Variants in APLF observed in about 807,000 individuals in gnomAD.
APLF encodes the protein aprataxin and PNK-like factor.
In APLF, 61 loss-of-function variants were observed where a neutral mutation model predicts 55.6. The observed-to-expected ratio is 1.10, with a 90% CI of 0.89 to 1.36. The LOEUF (loss-of-function observed/expected upper bound fraction) is 1.36, where lower values mean the gene tolerates loss of function less well. Ranked by LOEUF, APLF falls within the 40% of genes most tolerant of loss-of-function variation. The pLI is 0.00. For missense variants in APLF, 611 were observed against 602.5 expected (o/e 1.01, Z -0.15); for synonymous variants, 207 against 214.8 (o/e 0.96, Z 0.32).
chr2:68,515,830 A>G lies in APLF; in HGVS notation c.622+2150A>G, dbSNP rs561224617. On this transcript the variant is annotated intron_variant, in intron 5 of 9. Coordinates refer to ENST00000303795, the MANE Select transcript of APLF (RefSeq NM_173545.3). ...CTTTAAAGACAGTTTAGTACTTTAG[A>G]ACAGTTTAGTACCTGAATCCTGCTA... is the stretch of plus-strand genomic sequence containing the variant. 56 of 747,844 alleles carry G rather than the reference A, an allele frequency of 7.5e-5. No homozygotes were observed. The South Asian group carries it at 3.2e-3, about 42-fold the overall frequency. The allele number at this position is 747,844 out of a possible 1,614,324, so 46.3% of individuals were successfully genotyped here.
At chr2:68,519,068 A>G (rs1233670124) in intron 5 of APLF, among the ~76,000 whole-genome samples, 5 of 117,314 alleles carry the variant, frequency 4.3e-5, no homozygotes, top group African/African-American at 6.6e-5. Flanking sequence ...ATTAATATAT[A>G]ATAATAATAT....
intron 8 of APLF, among the ~76,000 whole-genome samples, chr2:68,553,388 T>C (rs1435341844): frequency 6.6e-6 from 1 of 152,082 alleles, no homozygotes; most frequent in Non-Finnish European, 1.5e-5. Context: ...ACTAAACCAA[T>C]GTTCAGTTTA....
Position 68,537,952 on chromosome 2 carries a change from A to G in APLF, c.885A>G (p.Lys295=). Residue 295 remains lysine, a synonymous_variant, in exon 7 of 10, where the codon AAA becomes AAG. Coordinates refer to ENST00000303795, the MANE Select transcript of APLF (RefSeq NM_173545.3). Reference sequence around the variant, plus strand: ...TTAAGACTAATGCACAGAGAAACAAACTTCCAATAGAGGAACTTGGTAAAG... The same window carrying G: ...TTAAGACTAATGCACAGAGAAACAAGCTTCCAATAGAGGAACTTGGTAAAG... ...NNIKTNAQRN[K]LPIEELGKVS... The G allele has an allele frequency of 1.2e-6, 2 of 1,613,980 alleles. No homozygotes were observed. The highest frequency in any genetic ancestry group is 1.3e-5 in the African/African-American group (1 of 75,034).
At chr2:68,503,133 G>A (rs144827322) in intron 3 of APLF, among the ~76,000 whole-genome samples, 7 of 152,212 alleles carry the variant, frequency 4.6e-5, no homozygotes, top group African/African-American at 7.2e-5. Context: ...CTTACTATGC[G>A]TTGATAGCAG....
intron 5 of APLF, among the ~76,000 whole-genome samples, chr2:68,519,295 A>G (rs1669819769): frequency 6.9e-6 from 1 of 144,300 alleles, no homozygotes; most frequent in Non-Finnish European, 1.5e-5. Flanking sequence ...GTATATATAA[A>G]ATGTCAAATT....
intron 1 of APLF, among the ~76,000 whole-genome samples, chr2:68,477,323 A>G (rs984309522): frequency 2.6e-5 from 4 of 152,134 alleles, no homozygotes; most frequent in African/African-American, 9.7e-5. Context: ...CTCTCCAGTA[A>G]ATTGTATATC....
intron 2 of APLF, 23 bp downstream of exon 2, chr2:68,490,284 A>C: frequency 6.2e-7 from 1 of 1,600,210 alleles, no homozygotes; most frequent in Non-Finnish European, 8.5e-7. Context: ...TTAATGATTC[A>C]TTTTAACTTT....
At chr2:68,575,482 T>C (rs1472757791) in intron 9 of APLF, among the ~76,000 whole-genome samples, 1 of 151,910 alleles carries the variant, frequency 6.6e-6, no homozygotes, top group Non-Finnish European at 1.5e-5. Flanking sequence ...GTTTTCTGAC[T>C]TTTTTTTGTG....
intron 8 of APLF, among the ~76,000 whole-genome samples, chr2:68,558,367 A>T (rs1196172817): frequency 2.0e-5 from 3 of 152,082 alleles, no homozygotes; most frequent in Admixed American, 6.5e-5. Flanking sequence ...ATGCTGGTTT[A>T]CTTGTTTTTT....
Position 68,577,951 on chromosome 2 carries a change from A to G in APLF, c.1465A>G (p.Lys489Glu), listed in dbSNP as rs1281800302. The G allele has an allele frequency of 6.2e-7, 1 of 1,613,636 alleles. No homozygotes were observed. Among genetic ancestry groups the G allele is most frequent in the Non-Finnish European group, 8.5e-7 (1 of 1,179,698 alleles). The change falls in exon 10 of 10, where the codon AAG becomes GAG. Residue 489 changes from lysine (K) to glutamate (E), a missense_variant. Lys to Glu is a moderately conservative substitution (Grantham distance 56, BLOSUM62 1). Transcript: ENST00000303795. ...TDEDSDWEPG[K>E]EDEEKEDVEE... is the part of the protein sequence containing the mutation. ...TGAAGATTCTGACTGGGAACCAGGA[A>G]AGGAAGATGAAGAGAAGGAAGATGT... is the stretch of plus-strand genomic sequence containing the variant.
rs1675469480 is a variant in APLF, at chr2:68,467,655, G to T, written c.-77G>T. 1.7e-6 allele frequency: 2 copies of T among 1,163,106 alleles called. No homozygotes were observed. The highest frequency in any genetic ancestry group is 2.2e-6 in the Non-Finnish European group (2 of 923,278). The allele number at this position is 1,163,106 out of a possible 1,614,324, so 72.0% of individuals were successfully genotyped here. A position where few individuals can be genotyped will look rare whatever the true frequency, so the allele number is the denominator to read the frequency against. ...GTGTTTTTTCCCAGGGCGTGGGCTTGCCCCGCGCGTGTCTGTGGAGGGCGG... is the reference window on the plus strand; with the variant it reads ...GTGTTTTTTCCCAGGGCGTGGGCTTTCCCCGCGCGTGTCTGTGGAGGGCGG... On this transcript the variant is annotated 5_prime_UTR_variant, in exon 1 of 10. Coordinates refer to ENST00000303795, the MANE Select transcript of APLF (RefSeq NM_173545.3).
intron 9 of APLF, among the ~76,000 whole-genome samples, chr2:68,572,399 T>C (rs1357907493): frequency 1.3e-5 from 2 of 152,202 alleles, no homozygotes; most frequent in Non-Finnish European, 2.9e-5. Context: ...TTTATTTACT[T>C]AATAAAAATT....
chr2:68,559,576 C>T (rs142463497), intron 8 of APLF, among the ~76,000 whole-genome samples: 1 of 152,152 alleles, frequency 6.6e-6, no homozygotes, highest in Non-Finnish European at 1.5e-5. Context: ...GGTGCTTCAC[C>T]AAGAAGCACC....
intron 5 of APLF, among the ~76,000 whole-genome samples, chr2:68,523,489 A>G (rs1669950305): frequency 6.6e-6 from 1 of 152,014 alleles, no homozygotes; most frequent in African/African-American, 2.4e-5. Context: ...GTATATGTTT[A>G]TGCATATGTA....
Position 68,494,521 on chromosome 2 carries a change from A to G in APLF, c.168+4260A>G, listed in dbSNP as rs777372128. Reference sequence around the variant, plus strand: ...TTCTTCGACTTTTAAGCTCAGGGATACACGTACAGGGTGTGCAGGTTTATT... The same window carrying G: ...TTCTTCGACTTTTAAGCTCAGGGATGCACGTACAGGGTGTGCAGGTTTATT... On this transcript the variant is annotated intron_variant, in intron 2 of 9. Transcript: ENST00000303795. 1.2e-3 allele frequency among the ~76,000 whole-genome samples: 175 copies of G among 151,940 alleles called. 2 individuals are homozygous for G. The highest frequency in any genetic ancestry group is 4.0e-4 in the Non-Finnish European group (27 of 67,994).
At chr2:68,537,277 C>G (rs1206819011) in intron 6 of APLF, among the ~76,000 whole-genome samples, 1 of 150,112 alleles carries the variant, frequency 6.7e-6, no homozygotes, top group Non-Finnish European at 1.5e-5. Context: ...AATGTCTTCT[C>G]TTATATTTTA....
intron 3 of APLF, among the ~76,000 whole-genome samples, chr2:68,505,089 T>A (rs763071613): frequency 6.6e-6 from 1 of 152,024 alleles, no homozygotes; most frequent in Non-Finnish European, 1.5e-5. Flanking sequence ...TAAATGTAAG[T>A]GGAAAAAAAT....
chr2:68,570,564 A>G (rs1393606255), intron 9 of APLF, among the ~76,000 whole-genome samples: 2 of 151,036 alleles, frequency 1.3e-5, no homozygotes, highest in Non-Finnish European at 2.9e-5. Context: ...TGTCCTTGCG[A>G]TAGTTTGCTG....
intron 6 of APLF, among the ~76,000 whole-genome samples, chr2:68,530,426 T>TGTGG (rs1670222631): frequency 1.3e-5 from 2 of 152,150 alleles, no homozygotes; most frequent in African/African-American, 4.8e-5. Flanking sequence ...ACATTGCTCT[T>TGTGG]CTAATGGAGC....
Sources: gnomAD v4.1 joint callset for allele counts (sites outside exome capture counted in the v4.1 genomes callset) on GRCh38, gnomAD v4.1.1 for gene constraint, MANE v1.5 for transcripts, NCBI Gene and HGNC (gene_info 2026-07-23, HGNC 2026-07-21) for gene names.